The following CLCN5 variants were observed in gnomAD, a reference collection of about 807,000 sequenced individuals.
The protein encoded by CLCN5 is H(+)/Cl(-) exchange transporter 5.
In CLCN5, 17 loss-of-function variants were observed where a neutral mutation model predicts 54.0. The observed-to-expected ratio is 0.31, with a 90% CI of 0.22 to 0.47. The LOEUF is 0.47. CLCN5 is among the 20% of genes least tolerant of loss of function. The pLI is 1.00. For missense variants in CLCN5, 448 were observed against 646.7 expected, an observed-to-expected ratio of 0.69 and a Z score of 3.33; for synonymous variants, 222 against 233.0, an observed-to-expected ratio of 0.95 and a Z score of 0.43.
At chrX:49,932,643 C>T (rs1054447906) in intron 3 of CLCN5, among the ~76,000 whole-genome samples, 9 of 111,624 alleles carry the variant, frequency 8.1e-5, no homozygotes, top group East Asian at 5.6e-4. Flanking sequence ...ATTAATACTT[C>T]CTCAAGTACT....
rs1209020930 is a variant in CLCN5, at chrX:50,098,517, G to T, written c.*6298G>T. The T allele has an allele frequency of 8.8e-5, 10 of 113,252 alleles. No homozygotes were observed. In the Admixed American group the frequency reaches 9.3e-4, roughly 11 times the overall value. The allele number at this position is 113,252 out of a possible 1,213,427, so 9.3% of individuals were successfully genotyped here. ...CTGTAGTAAGCTCTTTGTAGGGCTG[G>T]CTCCAACTGCAGTAGCCAAAGAAAA... On this transcript the variant is annotated 3_prime_UTR_variant, in exon 15 of 15. Coordinates refer to ENST00000376091, the MANE Select transcript of CLCN5 (RefSeq NM_001127898.4).
intron 3 of CLCN5, among the ~76,000 whole-genome samples, chrX:50,032,777 G>A (rs376471249): frequency 0.1 from 11,081 of 107,912 alleles, 1,797 homozygotes; most frequent in African/African-American, 0.38. Context: ...TTGGTGTTTT[G>A]GACATGAAGT....
At chrX:50,041,086 T>G (rs1342501469) in intron 3 of CLCN5, among the ~76,000 whole-genome samples, 1 of 112,318 alleles carries the variant, frequency 8.9e-6, no homozygotes, top group Non-Finnish European at 1.9e-5. Context: ...AATTGACATG[T>G]ACCTGGTAAA....
intron 4 of CLCN5, among the ~76,000 whole-genome samples, chrX:50,059,744 A>G (rs1361510827): frequency 1.8e-5 from 2 of 109,353 alleles, no homozygotes; most frequent in African/African-American, 6.7e-5. Flanking sequence ...TCTAGTTCTC[A>G]AAGGAAGTAA....
chrX:50,023,035 T>G, intron 3 of CLCN5, among the ~76,000 whole-genome samples: 1 of 91,409 alleles, frequency 1.1e-5, no homozygotes, highest in Admixed American at 1.1e-4. Flanking sequence ...GTATCCTTGT[T>G]GACTTTCTGT....
rs34424526 is a variant in CLCN5, at chrX:49,924,145, A to ATTTTTTTTTTTTTTTTTT, written c.-129+680_-129+681insTTTTTTTTTTTTTTTTTT. 6.4e-4 allele frequency among the ~76,000 whole-genome samples: 54 copies of ATTTTTTTTTTTTTTTTTT among 84,465 alleles called. 1 individual carries two copies. Among genetic ancestry groups the ATTTTTTTTTTTTTTTTTT allele is most frequent in the African/African-American group, 2.2e-3 (50 of 22,339 alleles). 73.3% of individuals were successfully genotyped at this position (84,465 alleles called of 115,157 possible). A position where few individuals can be genotyped will look rare whatever the true frequency, so the allele number is the denominator to read the frequency against. On this transcript the variant is annotated intron_variant, in intron 2 of 14. Coordinates refer to ENST00000376091, the MANE Select transcript of CLCN5 (RefSeq NM_001127898.4). Reference sequence around the variant, plus strand: ...ATTTTTTCTCCCATTCCTAGCTCCTATTTTTTTTTTTTTTTTTGGTTTGAG... The same window carrying ATTTTTTTTTTTTTTTTTT: ...ATTTTTTCTCCCATTCCTAGCTCCTATTTTTTTTTTTTTTTTTTTTTTTTTTTTTTTTTTTGGTTTGAG...
chrX:49,945,609 T>C (rs946534179), intron 3 of CLCN5, among the ~76,000 whole-genome samples: 1,120 of 100,026 alleles, frequency 0.011, 12 homozygotes, highest in African/African-American at 0.04. Context: ...AGCTAGTTTT[T>C]TTTTTTTTTT....
intron 3 of CLCN5, among the ~76,000 whole-genome samples, chrX:49,946,808 TC>T (rs1167153525): frequency 9.2e-6 from 1 of 108,233 alleles, no homozygotes; most frequent in Non-Finnish European, 1.9e-5. Context: ...TTGAAGACTT[TC>T]TTTTTTTCTT....
At chrX:49,975,462 G>A (rs946722001) in intron 3 of CLCN5, among the ~76,000 whole-genome samples, 1 of 111,378 alleles carries the variant, frequency 9.0e-6, no homozygotes, top group African/African-American at 3.3e-5. Flanking sequence ...TTCCTATAAG[G>A]GAGGAAAATA....
intron 3 of CLCN5, among the ~76,000 whole-genome samples, chrX:49,938,270 C>T (rs1926111735): frequency 9.0e-6 from 1 of 111,719 alleles, no homozygotes; most frequent in Non-Finnish European, 1.9e-5. Context: ...ACTTTCTTCA[C>T]AGAATTGGAA....
chrX:49,952,255 A>G (rs922638780), intron 3 of CLCN5, among the ~76,000 whole-genome samples: 24 of 110,645 alleles, frequency 2.2e-4, no homozygotes, highest in African/African-American at 7.2e-4. Context: ...GGGGAAAAAA[A>G]TACTCTCCTC....
intron 3 of CLCN5, among the ~76,000 whole-genome samples, chrX:50,038,954 C>G (rs1462898194): frequency 2.7e-5 from 3 of 111,445 alleles, no homozygotes; most frequent in African/African-American, 9.8e-5. Flanking sequence ...ATGGTCTTGT[C>G]TGCTGCTAAC....
In CLCN5 at chrX:50,041,322, G is replaced by T. The variant is rs186445837; in HGVS notation, c.17-994G>T. On this transcript the variant is annotated intron_variant, in intron 3 of 14. Coordinates refer to ENST00000376091, the MANE Select transcript of CLCN5 (RefSeq NM_001127898.4). ...ACTAAGATTTTCTTTAAGAAATAGGGAGGGTGGGCCTACATAAAGTTGGCC... is the reference window on the plus strand; with the variant it reads ...ACTAAGATTTTCTTTAAGAAATAGGTAGGGTGGGCCTACATAAAGTTGGCC... Among the ~76,000 whole-genome samples, 3 of 111,809 alleles carry T rather than the reference G, an allele frequency of 2.7e-5. No individual in the cohort carries two copies. The East Asian group carries it at 8.4e-4, about 31-fold the overall frequency.
chrX:50,039,295 AAAAC>A (rs782151235), intron 3 of CLCN5, among the ~76,000 whole-genome samples: 66 of 111,765 alleles, frequency 5.9e-4, no homozygotes, highest in Non-Finnish European at 9.8e-4. Flanking sequence ...CTCTGTCTCA[AAAAC>A]AAACAACCAA....
Position 50,086,744 on chromosome X carries a change from C to G in CLCN5, c.1431C>G (p.Phe477Leu), listed in dbSNP as rs1557194043. The change falls in exon 11 of 15, where the codon TTC becomes TTG. Residue 477 changes from phenylalanine (F) to leucine (L), a missense_variant. Phe to Leu is a conservative substitution (Grantham distance 22). Coordinates refer to ENST00000376091, the MANE Select transcript of CLCN5 (RefSeq NM_001127898.4). ...AGCTCTGTGATTATGAGAACCGTTTCAACACAAGCAAAGGGGGTGAACTGC... is the reference window on the plus strand; with the variant it reads ...AGCTCTGTGATTATGAGAACCGTTTGAACACAAGCAAAGGGGGTGAACTGC... ...SSKLCDYENR[F>L]NTSKGGELPD... 1 of 1,211,150 alleles carries G rather than the reference C, an allele frequency of 8.3e-7. No individual in the cohort carries two copies. The highest frequency in any genetic ancestry group is 2.2e-5 in the Admixed American group (1 of 45,904).
intron 3 of CLCN5, among the ~76,000 whole-genome samples, chrX:50,040,885 A>G: frequency 8.9e-6 from 1 of 112,112 alleles, no homozygotes; most frequent in Non-Finnish European, 1.9e-5. Context: ...CAAATGAGGT[A>G]TTGTGAAATT....
At chrX:49,991,500 G>A (rs1279659391) in intron 3 of CLCN5, among the ~76,000 whole-genome samples, 1 of 112,052 alleles carries the variant, frequency 8.9e-6, no homozygotes, top group African/African-American at 3.2e-5. Context: ...TCTGTGGGTT[G>A]TCTGTTTACT....
intron 11 of CLCN5, among the ~76,000 whole-genome samples, chrX:50,088,123 A>G (rs78227041): frequency 8.9e-6 from 1 of 112,284 alleles, no homozygotes; most frequent in South Asian, 3.7e-4. Flanking sequence ...GATTCAATAT[A>G]TGAGCATGGT....
chrX:50,090,284 C>T lies in CLCN5; in HGVS notation c.1913C>T (p.Pro638Leu). Residue 638 changes from proline (P) to leucine (L), a missense_variant, in exon 13 of 15, where the codon CCC becomes CTC. Physicochemically the swap from Pro to Leu is moderately conservative, Grantham distance 98. Transcript: ENST00000376091. ...YDAHIRLNGYPFLEAKEEFAH... is the reference protein window; with the variant it reads ...YDAHIRLNGYLFLEAKEEFAH... Reference sequence around the variant, plus strand: ...GCCCACATCCGTCTCAATGGATACCCCTTTCTTGAAGCCAAAGAAGAGTTT... The same window carrying T: ...GCCCACATCCGTCTCAATGGATACCTCTTTCTTGAAGCCAAAGAAGAGTTT... The T allele has an allele frequency of 1.7e-6, 2 of 1,211,345 alleles. No homozygotes were observed. Among genetic ancestry groups the T allele is most frequent in the Non-Finnish European group, 2.2e-6 (2 of 895,110 alleles).
Sources: gnomAD v4.1 joint callset for allele counts (sites outside exome capture counted in the v4.1 genomes callset) on GRCh38, gnomAD v4.1.1 for gene constraint, MANE v1.5 for transcripts, NCBI Gene and HGNC (gene_info 2026-07-23, HGNC 2026-07-21) for gene names.